The following ADCY2 variants were observed in gnomAD, a reference collection of about 807,000 sequenced individuals.
ADCY2 encodes the protein adenylate cyclase 2.
In ADCY2, 31 loss-of-function variants were observed where a neutral mutation model predicts 125.2. The ratio of observed to expected loss-of-function variants is 0.25; its 90% confidence interval spans 0.19 to 0.33. ADCY2 has a LOEUF of 0.33. ADCY2 is among the 10% of genes least tolerant of loss of function. ADCY2 has a pLI of 1.00. For synonymous variants in ADCY2, 512 were observed against 548.4 expected (o/e 0.93, Z 0.93); for missense variants, 904 against 1,418.2 (o/e 0.64, Z 5.82).
chr5:7,464,666 A>C (rs1742039164), intron 2 of ADCY2, among the ~76,000 whole-genome samples: 1 of 152,296 alleles, frequency 6.6e-6, no homozygotes, highest in Non-Finnish European at 1.5e-5. Context: ...ATATGCAGTC[A>C]AAAAAGTAGC....
intron 2 of ADCY2, 45 bp from the exon 3 acceptor site, chr5:7,520,693 C>A: frequency 1.2e-6 from 2 of 1,606,758 alleles, no homozygotes; most frequent in African/African-American, 1.3e-5. Flanking sequence ...CTCTTAGAAA[C>A]CAGAATATTT....
intron 3 of ADCY2, among the ~76,000 whole-genome samples, chr5:7,522,997 C>T (rs1465310186): frequency 1.3e-5 from 2 of 152,036 alleles, no homozygotes; most frequent in Non-Finnish European, 2.9e-5. Context: ...TCCCTTCTCA[C>T]ATGAGCAATC....
At chr5:7,418,160 C>T (rs1740029657) in intron 2 of ADCY2, among the ~76,000 whole-genome samples, 1 of 152,126 alleles carries the variant, frequency 6.6e-6, no homozygotes, top group Admixed American at 6.6e-5. Flanking sequence ...TCCCTGTGTA[C>T]CTTGACATTT....
intron 12 of ADCY2, among the ~76,000 whole-genome samples, chr5:7,722,000 T>C (rs1741776268): frequency 6.6e-6 from 1 of 152,198 alleles, no homozygotes; most frequent in Non-Finnish European, 1.5e-5. Context: ...ACAGAGGTGA[T>C]TAAGTGTGTA....
chr5:7,428,523 T>C (rs903204860), intron 2 of ADCY2, among the ~76,000 whole-genome samples: 2 of 152,228 alleles, frequency 1.3e-5, no homozygotes, highest in Non-Finnish European at 2.9e-5. Context: ...TACCACACTG[T>C]GTACTGGTAT....
intron 11 of ADCY2, among the ~76,000 whole-genome samples, 185 bp downstream of exon 11, chr5:7,713,084 G>T (rs1741488645): frequency 6.6e-6 from 1 of 152,136 alleles, no homozygotes; most frequent in Admixed American, 6.5e-5. Flanking sequence ...TTAGAATTGA[G>T]AGAGGGAGAA....
chr5:7,572,219 G>A (rs1736090075), intron 3 of ADCY2, among the ~76,000 whole-genome samples: 1 of 152,064 alleles, frequency 6.6e-6, no homozygotes, highest in South Asian at 2.1e-4. Flanking sequence ...TTGCCACACT[G>A]GTTGAACATC....
chr5:7,404,568 G>T (rs1321485475), intron 1 of ADCY2, among the ~76,000 whole-genome samples: 2 of 152,208 alleles, frequency 1.3e-5, no homozygotes, highest in African/African-American at 4.8e-5. Context: ...CACCAAGGAG[G>T]AAAAGCTTGC....
chr5:7,463,817 A>G lies in ADCY2; in HGVS notation c.408+49047A>G, dbSNP rs569667336. 1.2e-4 allele frequency among the ~76,000 whole-genome samples: 19 copies of G among 152,290 alleles called. No individual in the cohort carries two copies. The East Asian group carries it at 1.7e-3, about 14-fold the overall frequency. On this transcript the variant is annotated intron_variant, in intron 2 of 24. Transcript: ENST00000338316. Reference sequence around the variant, plus strand: ...ATGTTTCTTGGAGACAGTGGTTTCAAAGGTGGGATAGGATCACAGGAAGAA... The same window carrying G: ...ATGTTTCTTGGAGACAGTGGTTTCAGAGGTGGGATAGGATCACAGGAAGAA...
chr5:7,763,705 G>C (rs1743302836), intron 16 of ADCY2, among the ~76,000 whole-genome samples: 1 of 152,086 alleles, frequency 6.6e-6, no homozygotes, highest in Admixed American at 6.5e-5. Context: ...CCTTGCCCCT[G>C]GCATCGTGCC....
intron 8 of ADCY2, 42 bp from the exon 9 acceptor site, chr5:7,707,664 A>AT: frequency 6.2e-7 from 1 of 1,605,838 alleles, no homozygotes; most frequent in Middle Eastern, 1.7e-4. Context: ...CTTCACACTT[A>AT]TCCTTTTATG....
At chr5:7,584,949 A>G (rs1736578116) in intron 3 of ADCY2, among the ~76,000 whole-genome samples, 1 of 152,194 alleles carries the variant, frequency 6.6e-6, no homozygotes, top group African/African-American at 2.4e-5. Context: ...CAAACTAAAA[A>G]TAATGCTGAC....
chr5:7,763,021 G>A (rs1429296478), intron 16 of ADCY2, among the ~76,000 whole-genome samples: 2 of 151,414 alleles, frequency 1.3e-5, no homozygotes, highest in African/African-American at 4.9e-5. Flanking sequence ...CTTTGAGACA[G>A]AGGAAGAGTG....
chr5:7,661,621 C>T (rs1739536102), intron 4 of ADCY2, among the ~76,000 whole-genome samples: 1 of 152,220 alleles, frequency 6.6e-6, no homozygotes, highest in African/African-American at 2.4e-5. Context: ...TACTCAGTGA[C>T]CTGGCTTCCA....
At chr5:7,581,394 C>T (rs565925258) in intron 3 of ADCY2, among the ~76,000 whole-genome samples, 3 of 152,032 alleles carry the variant, frequency 2.0e-5, no homozygotes, top group Non-Finnish European at 4.4e-5. Flanking sequence ...ATTAGGTGTA[C>T]AATATTAATT....
chr5:7,497,735 C>T (rs887061563), intron 2 of ADCY2, among the ~76,000 whole-genome samples: 6 of 149,916 alleles, frequency 4.0e-5, no homozygotes, highest in South Asian at 2.1e-4. Context: ...GAAATTGCAC[C>T]GAAAAAAAAA....
At chr5:7,546,399 C>A (rs1190143876) in intron 3 of ADCY2, among the ~76,000 whole-genome samples, 1 of 152,170 alleles carries the variant, frequency 6.6e-6, no homozygotes, top group Non-Finnish European at 1.5e-5. Flanking sequence ...TCTGTTAAAT[C>A]CTGGTAATAA....
At chr5:7,438,552 G>A (rs1211636677) in intron 2 of ADCY2, among the ~76,000 whole-genome samples, 2 of 152,190 alleles carry the variant, frequency 1.3e-5, no homozygotes, top group African/African-American at 4.8e-5. Context: ...ACTCAGGGGT[G>A]TGGCTGTGGT....
At chr5:7,442,579 A>C (rs1741055265) in intron 2 of ADCY2, among the ~76,000 whole-genome samples, 1 of 152,188 alleles carries the variant, frequency 6.6e-6, no homozygotes, top group East Asian at 1.9e-4. Flanking sequence ...GAGGGTGACA[A>C]ACTGATGCCT....
Sources: allele counts gnomAD v4.1 joint callset (sites outside exome capture counted in the v4.1 genomes callset), GRCh38; gene constraint gnomAD v4.1.1; transcripts MANE v1.5; gene names NCBI Gene and HGNC (gene_info 2026-07-23, HGNC 2026-07-21).